Variants in PLXNA4 observed in about 807,000 individuals in gnomAD.
The protein encoded by PLXNA4 is plexin-A4.
In PLXNA4, 44 loss-of-function variants were observed where a neutral mutation model predicts 191.8. The ratio of observed to expected loss-of-function variants is 0.23; its 90% CI spans 0.18 to 0.29. The LOEUF (loss-of-function observed/expected upper bound fraction) is 0.29, where lower values mean the gene tolerates loss of function less well. PLXNA4 is among the 10% of genes least tolerant of loss of function. The probability of loss-of-function intolerance (pLI) is 1.00; values close to 1 mark genes in which losing one functional copy is unlikely to be tolerated. For synonymous variants in PLXNA4, 1,082 were observed against 1,009.5 expected (o/e 1.07, Z -1.36); for missense variants, 1,800 against 2,488.8 (o/e 0.72, Z 5.89).
chr7:132,592,804 G>C (rs187738067), intron 2 of PLXNA4, among the ~76,000 whole-genome samples: 1 of 150,860 alleles, frequency 6.6e-6, no homozygotes, highest in Admixed American at 6.6e-5. Flanking sequence ...CCAAAGCAAG[G>C]CTAAGGCAGT....
intron 4 of PLXNA4, among the ~76,000 whole-genome samples, chr7:132,268,812 G>T (rs1171420452): frequency 6.6e-6 from 1 of 152,170 alleles, no homozygotes; most frequent in African/African-American, 2.4e-5. Context: ...CATGTCAACT[G>T]CTGGCCTTCC....
chr7:132,384,004 G>A, intron 3 of PLXNA4: 1 of 985,456 alleles, frequency 1.0e-6, no homozygotes, highest in Non-Finnish European at 1.2e-6. Flanking sequence ...CACATGGCCT[G>A]TTACAAACCT....
intron 3 of PLXNA4, chr7:132,368,051 T>C (rs1440526048): frequency 6.6e-6 from 1 of 152,062 alleles, no homozygotes. Flanking sequence ...AGAAAGGAGC[T>C]TTTTGTGATG....
Position 132,371,392 on chromosome 7 carries a change from T to C in PLXNA4, c.1372-73170A>G, listed in dbSNP as rs540607679. Among the ~76,000 whole-genome samples, 22 of 152,298 alleles carry C rather than the reference T, an allele frequency of 1.4e-4. No homozygotes were observed. The East Asian group carries it at 4.2e-3, about 29-fold the overall frequency. ...TCCTCAGCTACCTCTTCTCTAACTTTCGGTATCTTACAGCTATTCCTGTAT... is the reference window on the plus strand; with the variant it reads ...TCCTCAGCTACCTCTTCTCTAACTTCCGGTATCTTACAGCTATTCCTGTAT... On this transcript the variant is annotated intron_variant, in intron 3 of 31. Coordinates refer to ENST00000321063, the MANE Select transcript of PLXNA4 (RefSeq NM_020911.2).
intron 1 of PLXNA4, among the ~76,000 whole-genome samples, chr7:132,575,066 G>A (rs534449195): frequency 6.6e-6 from 1 of 152,296 alleles, no homozygotes; most frequent in South Asian, 2.1e-4. Flanking sequence ...CAAAGTGACA[G>A]CACCAGAAAC....
chr7:132,623,348 A>AAAAAT (rs1029656810), intron 2 of PLXNA4, among the ~76,000 whole-genome samples: 21 of 152,010 alleles, frequency 1.4e-4, no homozygotes, highest in African/African-American at 4.3e-4. Flanking sequence ...TTCCATCTCA[A>AAAAAT]AAAATAAAAT....
intron 30 of PLXNA4, among the ~76,000 whole-genome samples, chr7:132,133,484 T>C (rs1289710824): frequency 6.6e-6 from 1 of 152,122 alleles, no homozygotes; most frequent in Non-Finnish European, 1.5e-5. Flanking sequence ...GGGTCCCAAC[T>C]CGGGCATCCT....
intron 3 of PLXNA4, among the ~76,000 whole-genome samples, chr7:132,407,704 G>A (rs941401250): frequency 2.0e-5 from 3 of 152,174 alleles, no homozygotes; most frequent in Non-Finnish European, 2.9e-5. Context: ...GCTAAATGGG[G>A]CCAATTCTTT....
chr7:132,462,788 T>G (rs1796559224), intron 3 of PLXNA4, among the ~76,000 whole-genome samples: 1 of 151,800 alleles, frequency 6.6e-6, no homozygotes. Context: ...ATTTTTTTTC[T>G]TGTTTATTCT....
In PLXNA4 at chr7:132,576,395, C is replaced by T. The variant is rs938738915; in HGVS notation, c.-87+27G>A. ...TGCTGCCCTCGCCGCCCGCCCGGCC[C>T]CACTCCCCGGCGGGCCGGCTCCTTA... On this transcript the variant is annotated intron_variant, in intron 1 of 31. Transcript: ENST00000321063. The surrounding 1 kb of genome is among the most constrained non-coding windows in gnomAD (Gnocchi z 5.8). 54 of 985,668 alleles carry T rather than the reference C, an allele frequency of 5.5e-5. No homozygotes were observed. In the African/African-American group the frequency reaches 8.4e-4, roughly 15 times the overall value. The allele number at this position is 985,668 out of a possible 1,614,324, so 61.1% of individuals were successfully genotyped here.
At chr7:132,519,349 C>T (rs1799074989) in intron 1 of PLXNA4, among the ~76,000 whole-genome samples, 1 of 152,198 alleles carries the variant, frequency 6.6e-6, no homozygotes, top group Admixed American at 6.5e-5. Flanking sequence ...ACCCAATGGC[C>T]TCTGAGTGCA....
At chr7:132,288,753 C>T (rs577499122) in intron 4 of PLXNA4, among the ~76,000 whole-genome samples, 2 of 152,306 alleles carry the variant, frequency 1.3e-5, no homozygotes, top group South Asian at 4.1e-4. Flanking sequence ...ATGAGACATG[C>T]CCACAGACAC....
At chr7:132,499,042 C>T (rs1318878699) in intron 2 of PLXNA4, among the ~76,000 whole-genome samples, 1 of 152,244 alleles carries the variant, frequency 6.6e-6, no homozygotes, top group Non-Finnish European at 1.5e-5. Context: ...ACTAATGTCA[C>T]TAAATTGAGC....
chr7:132,606,044 A>C (rs562438701), intron 2 of PLXNA4, among the ~76,000 whole-genome samples: 2 of 152,258 alleles, frequency 1.3e-5, no homozygotes, highest in South Asian at 2.1e-4. Flanking sequence ...CACGCCTGTA[A>C]CCTCAGCTAC....
chr7:132,618,370 A>G (rs1198337739), intron 2 of PLXNA4, among the ~76,000 whole-genome samples: 2 of 152,098 alleles, frequency 1.3e-5, no homozygotes, highest in Non-Finnish European at 2.9e-5. Flanking sequence ...CCATTAGGGG[A>G]AGCTTCATGA....
chr7:132,600,834 A>G (rs1167693390), intron 2 of PLXNA4, among the ~76,000 whole-genome samples: 1 of 151,920 alleles, frequency 6.6e-6, no homozygotes, highest in Admixed American at 6.6e-5. Context: ...TCTCTCTTTT[A>G]TCTTGATTAG....
chr7:132,296,111 C>G (rs1801069038), intron 4 of PLXNA4, among the ~76,000 whole-genome samples: 1 of 152,116 alleles, frequency 6.6e-6, no homozygotes. Flanking sequence ...AGGTGTTAGG[C>G]CTTTGAGATG....
chr7:132,472,285 A>G (rs1796961759), intron 3 of PLXNA4, among the ~76,000 whole-genome samples: 1 of 152,252 alleles, frequency 6.6e-6, no homozygotes, highest in African/African-American at 2.4e-5. Flanking sequence ...TTTCTCGCTC[A>G]GAAATATTTT....
chr7:132,158,028 C>T (rs1795845000), intron 25 of PLXNA4, among the ~76,000 whole-genome samples: 1 of 152,198 alleles, frequency 6.6e-6, no homozygotes, highest in Admixed American at 6.5e-5. Flanking sequence ...CACACATTGG[C>T]TTCCTCTGTG....
Sources: gnomAD v4.1 joint callset for allele counts (sites outside exome capture counted in the v4.1 genomes callset) on GRCh38, gnomAD v4.1.1 for gene constraint, Gnocchi (gnomAD v3.1) non-coding constraint, MANE v1.5 for transcripts, NCBI Gene and HGNC (gene_info 2026-07-23, HGNC 2026-07-21) for gene names.